The following MVB12B variants were observed in gnomAD, a reference collection of about 807,000 sequenced individuals.
MVB12B encodes the protein multivesicular body subunit 12B, also known as ESCRT-I complex subunit MVB12B.
MVB12B carries 16 observed loss-of-function variants against 41.6 expected under a neutral mutation model. That is an observed-to-expected ratio of 0.38 (90% confidence interval 0.26 to 0.58). The LOEUF is 0.58. Among genes scored for constraint, MVB12B ranks in the 20% least tolerant of loss-of-function variants. The pLI, the probability that MVB12B is intolerant of heterozygous loss-of-function variation, is 0.62. For synonymous variants in MVB12B, 133 were observed against 139.7 expected (o/e 0.95, Z 0.34); for missense variants, 274 against 380.2 (o/e 0.72, Z 2.32).
chr9:126,349,486 T>G lies in MVB12B; in HGVS notation c.204+8856T>G, dbSNP rs926902787. ...ATCTTTCATGTTGTCGTTTTATAGC[T>G]ACACTCACTTCCCTTATACTACCAC... is the stretch of plus-strand genomic sequence containing the variant. On this transcript the variant is annotated intron_variant, in intron 2 of 9. Transcript: ENST00000361171. Among the ~76,000 whole-genome samples the G allele has an allele frequency of 2.0e-5, 3 of 152,332 alleles. No individual in the cohort carries two copies. In the South Asian group the frequency reaches 6.2e-4, roughly 32 times the overall value.
In MVB12B at chr9:126,340,214, C is replaced by T. The variant is rs148240074; in HGVS notation, c.82-294C>T. 9.7e-4 allele frequency among the ~76,000 whole-genome samples: 147 copies of T among 152,052 alleles called. No homozygotes were observed. The highest frequency in any genetic ancestry group is 3.4e-3 in the Middle Eastern group (1 of 292). ...GTTCAGAAATCAAGCAGCTGGATGGCGGAGTTAAGAATGACGTGCTCTTGG... is the reference window on the plus strand; with the variant it reads ...GTTCAGAAATCAAGCAGCTGGATGGTGGAGTTAAGAATGACGTGCTCTTGG... On this transcript the variant is annotated intron_variant, in intron 1 of 9. Coordinates refer to ENST00000361171, the MANE Select transcript of MVB12B (RefSeq NM_033446.3). The surrounding 1 kb of genome is among the most constrained non-coding windows in gnomAD (Gnocchi z 4.0).
At chr9:126,444,285 TC>T (rs1007149533) in intron 7 of MVB12B, among the ~76,000 whole-genome samples, 2 of 152,232 alleles carry the variant, frequency 1.3e-5, no homozygotes, top group Non-Finnish European at 2.9e-5. Context: ...TGACAAATTG[TC>T]CCCCGTAATG....
intron 1 of MVB12B, chr9:126,335,331 G>A (rs1485463239): frequency 5.4e-6 from 7 of 1,304,106 alleles, no homozygotes; most frequent in Admixed American, 4.6e-5. Context: ...TGTCCCCCAC[G>A]GGTGGCCCCA....
chr9:126,358,073 T>C (rs1829930621), intron 2 of MVB12B, among the ~76,000 whole-genome samples: 1 of 152,158 alleles, frequency 6.6e-6, no homozygotes. Flanking sequence ...TCTTTAAAAA[T>C]CATCTGTTCT....
Position 126,376,242 on chromosome 9 carries a change from C to T in MVB12B, c.205-4822C>T, listed in dbSNP as rs1280161370. On this transcript the variant is annotated intron_variant, in intron 2 of 9. Coordinates refer to ENST00000361171, the MANE Select transcript of MVB12B (RefSeq NM_033446.3). This position sits in a 1 kb window ranked among gnomAD's most constrained non-coding sequence, Gnocchi z 4.1. ...TTTTTAAAAACGTTTTCATAATACT[C>T]TGTTCTTGTTTGGTATTTGCAGTCT... is the stretch of plus-strand genomic sequence containing the variant. 6.6e-6 allele frequency among the ~76,000 whole-genome samples: 1 copy of T among 152,142 alleles called. No individual in the cohort carries two copies. Among genetic ancestry groups the T allele is most frequent in the East Asian group, 1.9e-4 (1 of 5,198 alleles).
intron 7 of MVB12B, among the ~76,000 whole-genome samples, chr9:126,479,435 A>C (rs1195774695): frequency 3.9e-5 from 6 of 152,080 alleles, no homozygotes; most frequent in African/African-American, 1.4e-4. Context: ...TCATTGCTGA[A>C]CTTTTTCATC....
At chr9:126,361,324 G>A (rs922927204) in intron 2 of MVB12B, among the ~76,000 whole-genome samples, 9 of 152,130 alleles carry the variant, frequency 5.9e-5, no homozygotes, top group African/African-American at 1.9e-4. Context: ...CATGTGTAGT[G>A]TAAGAACAGG....
chr9:126,446,217 T>C (rs1170370879), intron 7 of MVB12B, among the ~76,000 whole-genome samples: 1 of 152,094 alleles, frequency 6.6e-6, no homozygotes, highest in Non-Finnish European at 1.5e-5. Context: ...TTTAATGTAG[T>C]ATAATATTTT....
At chr9:126,396,818 TA>T in intron 6 of MVB12B, 10 of 985,476 alleles carry the variant, frequency 1.0e-5, no homozygotes, top group Non-Finnish European at 1.2e-5. Context: ...TCATTTGGCA[TA>T]AAAAGATAGG....
intron 7 of MVB12B, among the ~76,000 whole-genome samples, chr9:126,422,514 G>A (rs2119092858): frequency 6.6e-6 from 1 of 152,326 alleles, no homozygotes; most frequent in South Asian, 2.1e-4. Context: ...AAACTTACAA[G>A]CCTTATTACA....
intron 6 of MVB12B, among the ~76,000 whole-genome samples, chr9:126,405,005 G>A (rs1831379305): frequency 6.6e-6 from 1 of 152,210 alleles, no homozygotes; most frequent in South Asian, 2.1e-4. Context: ...AGTTTAGGCT[G>A]AGCAATACAC....
At chr9:126,357,503 C>G (rs535323872) in intron 2 of MVB12B, among the ~76,000 whole-genome samples, 1 of 152,178 alleles carries the variant, frequency 6.6e-6, no homozygotes, top group Admixed American at 6.5e-5. Context: ...CACATCCTTG[C>G]CAACACTTGA....
intron 6 of MVB12B, among the ~76,000 whole-genome samples, chr9:126,420,295 C>T (rs1352056707): frequency 2.6e-5 from 4 of 152,224 alleles, no homozygotes; most frequent in Non-Finnish European, 4.4e-5. Flanking sequence ...AGGTTCCCTC[C>T]ATGCACGCCA....
In MVB12B at chr9:126,506,355, T is replaced by TGA. The variant is rs3841408; in HGVS notation, c.*3093_*3094dup. 80,144 of 152,422 alleles carry TGA rather than the reference T, an allele frequency of 0.53. 21,736 individuals are homozygous for TGA. Among genetic ancestry groups the TGA allele is most frequent in the African/African-American group, 0.67 (27,896 of 41,456 alleles). The allele number at this position is 152,422 out of a possible 1,614,324, so 9.4% of individuals were successfully genotyped here. ...TGCTCCTTGTCAGAGTTGAAGAGGC[T>TGA]GACTTGGCCCACTGCTAAGCGGCAG... On this transcript the variant is annotated 3_prime_UTR_variant, in exon 10 of 10. Coordinates refer to ENST00000361171, the MANE Select transcript of MVB12B (RefSeq NM_033446.3).
At chr9:126,471,880 C>G (rs992562259) in intron 7 of MVB12B, among the ~76,000 whole-genome samples, 1 of 152,176 alleles carries the variant, frequency 6.6e-6, no homozygotes, top group Non-Finnish European at 1.5e-5. Flanking sequence ...ACCAGCATCT[C>G]TGCAAGTACT....
rs1220355889 is a variant in MVB12B at position 126,367,199 on chromosome 9, A to G, written c.205-13865A>G. Among the ~76,000 whole-genome samples, 1 of 152,234 alleles carries G rather than the reference A, an allele frequency of 6.6e-6. No homozygotes were observed. Among genetic ancestry groups the G allele is most frequent in the East Asian group, 1.9e-4 (1 of 5,164 alleles). On this transcript the variant is annotated intron_variant, in intron 2 of 9. Transcript: ENST00000361171. The surrounding 1 kb of genome is among the most constrained non-coding windows in gnomAD (Gnocchi z 4.3). The stretch of plus-strand genomic sequence containing the variant: ...CCCATCTCGACTCCAGGTTTCTCCT[A>G]TAAGCGCCACTCTGAGAATTTCTCC...
rs189694359 is a variant in MVB12B at position 126,329,607 on chromosome 9, C to T, written c.81+2597C>T. The stretch of plus-strand genomic sequence containing the variant: ...GATCTTCTCCTGGGGGGATCAGAAT[C>T]CAAATGGCATAGGCCCCTCTGTCTG... On this transcript the variant is annotated intron_variant, in intron 1 of 9. Transcript: ENST00000361171. 4.1e-4 allele frequency among the ~76,000 whole-genome samples: 63 copies of T among 152,298 alleles called. No homozygotes were observed. In the East Asian group the frequency reaches 0.012, roughly 29 times the overall value.
intron 6 of MVB12B, among the ~76,000 whole-genome samples, chr9:126,401,586 G>A (rs945055431): frequency 1.4e-4 from 21 of 152,296 alleles, no homozygotes; most frequent in African/African-American, 4.3e-4. Flanking sequence ...CTCAAAAATC[G>A]TTCCATCACT....
Position 126,436,203 on chromosome 9 carries a change from G to A in MVB12B, c.757+14255G>A, listed in dbSNP as rs1452284745. 1.3e-5 allele frequency among the ~76,000 whole-genome samples: 2 copies of A among 152,164 alleles called. No homozygotes were observed. Among genetic ancestry groups the A allele is most frequent in the Non-Finnish European group, 2.9e-5 (2 of 68,010 alleles). On this transcript the variant is annotated intron_variant, in intron 7 of 9. Coordinates refer to ENST00000361171, the MANE Select transcript of MVB12B (RefSeq NM_033446.3). This position sits in a 1 kb window ranked among gnomAD's most constrained non-coding sequence, Gnocchi z 4.1. The stretch of plus-strand genomic sequence containing the variant: ...TTTGCCAGGAGGCTCTCTCGTGTTC[G>A]GGCATTTGGGGTCCTTTCTGGTCTG...
Sources: gnomAD v4.1 joint callset for allele counts (sites outside exome capture counted in the v4.1 genomes callset) on GRCh38, gnomAD v4.1.1 for gene constraint, Gnocchi (gnomAD v3.1) non-coding constraint, MANE v1.5 for transcripts, NCBI Gene and HGNC (gene_info 2026-07-23, HGNC 2026-07-21) for gene names.